The following MROH1 variants were observed in gnomAD, a reference collection of about 807,000 sequenced individuals.
MROH1 encodes the protein maestro heat-like repeat-containing protein family member 1.
Under a neutral mutation model 116.5 loss-of-function variants are expected in MROH1, and 117 were observed. The ratio of observed to expected loss-of-function variants is 1.00; its 90% CI spans 0.86 to 1.17. The LOEUF is 1.17. Ranked by LOEUF, MROH1 falls within the 50% of genes most tolerant of loss-of-function variation. The pLI is 0.00. For missense variants in MROH1, 1,873 were observed against 1,338.5 expected, an observed-to-expected ratio of 1.40 and a Z score of -6.23; for synonymous variants, 921 against 583.9, an observed-to-expected ratio of 1.58 and a Z score of -8.32.
chr8:144,183,018 G>T (rs767735723), intron 7 of MROH1, among the ~76,000 whole-genome samples: 3 of 152,294 alleles, frequency 2.0e-5, no homozygotes, highest in South Asian at 4.1e-4. Context: ...GGAGGCTGCA[G>T]TGAGCCAAGA....
chr8:144,156,145 G>A (rs1157385586), intron 1 of MROH1, among the ~76,000 whole-genome samples: 5 of 150,918 alleles, frequency 3.3e-5, no homozygotes, highest in Admixed American at 3.3e-4. Flanking sequence ...GCTGAGGCAG[G>A]AGAATCACTT....
intron 14 of MROH1, among the ~76,000 whole-genome samples, chr8:144,231,015 CG>C (rs1838780206): frequency 7.2e-6 from 1 of 138,590 alleles, no homozygotes; most frequent in Non-Finnish European, 1.5e-5. Context: ...TGACTCTTAA[CG>C]AGCATGCTGC....
chr8:144,245,280 G>T lies in MROH1; in HGVS notation c.2871+20G>T. ...GTCAGCGTGAGTACCTGGGTCCCTG[G>T]CCCGGGTGCTGCTGCCTGTGTTACT... On this transcript the variant is annotated intron_variant, in intron 29 of 43. Coordinates refer to ENST00000326134, the MANE Select transcript of MROH1 (RefSeq NM_032450.3). The T allele has an allele frequency of 1.3e-6, 1 of 774,122 alleles. No homozygotes were observed. Among genetic ancestry groups the T allele is most frequent in the Non-Finnish European group, 2.4e-6 (1 of 417,652 alleles). The allele number at this position is 774,122 out of a possible 1,614,324, so 48.0% of individuals were successfully genotyped here.
At chr8:144,177,877 TC>T (rs1176223136) in intron 4 of MROH1, among the ~76,000 whole-genome samples, 1 of 152,066 alleles carries the variant, frequency 6.6e-6, no homozygotes. Flanking sequence ...TCCTGAGGCC[TC>T]CCCAGCCATG....
At chr8:144,220,375 C>T (rs557170292) in intron 12 of MROH1, among the ~76,000 whole-genome samples, 7 of 152,282 alleles carry the variant, frequency 4.6e-5, no homozygotes, top group East Asian at 1.9e-4. Flanking sequence ...CTTCTACGAC[C>T]GACCGCCCTA....
At chr8:144,189,419 G>T (rs1013206824) in intron 7 of MROH1, among the ~76,000 whole-genome samples, 1 of 152,190 alleles carries the variant, frequency 6.6e-6, no homozygotes. Flanking sequence ...TTCACCCGGG[G>T]CCCAGCCCCA....
At chr8:144,191,139 G>A (rs984989824) in intron 8 of MROH1, among the ~76,000 whole-genome samples, 48 of 152,134 alleles carry the variant, frequency 3.2e-4, no homozygotes, top group Non-Finnish European at 6.5e-4. Context: ...GCATGACCTT[G>A]GCTCACTGCA....
chr8:144,242,670 T>G, intron 24 of MROH1, 42 bp downstream of exon 24: 1 of 770,880 alleles, frequency 1.3e-6, no homozygotes, highest in Non-Finnish European at 2.4e-6. Flanking sequence ...GCTTCTCTCC[T>G]CTCGGCTCTC....
rs1554835582 is a variant in MROH1, at chr8:144,261,117, C to T, written c.4675C>T (p.His1559Tyr). The T allele has an allele frequency of 1.3e-6, 1 of 775,112 alleles. No homozygotes were observed. The highest frequency in any genetic ancestry group is 1.7e-5 in the Admixed American group (1 of 59,026). The allele number at this position is 775,112 out of a possible 1,614,324, so 48.0% of individuals were successfully genotyped here. ...CACTGACCAGGCCTCTCCCCAGATGCACCATTTCCCAGACCTGCTGGGCCG... is the reference window on the plus strand; with the variant it reads ...CACTGACCAGGCCTCTCCCCAGATGTACCATTTCCCAGACCTGCTGGGCCG... ...FLNTTCKHLMHHFPDLLGRLL... is the reference protein window; with the variant it reads ...FLNTTCKHLMYHFPDLLGRLL... The change falls in exon 42 of 44, where the codon CAC becomes TAC. Residue 1559 changes from histidine to tyrosine, a missense_variant. Transcript: ENST00000326134.
Position 144,190,809 on chromosome 8 carries a change from C to T in MROH1, c.588C>T (p.Ala196=), listed in dbSNP as rs998124529. 5.0e-6 allele frequency: 8 copies of T among 1,613,554 alleles called. No homozygotes were observed. Among genetic ancestry groups the T allele is most frequent in the South Asian group, 1.1e-5 (1 of 91,060 alleles). ...CTCTGCAGCGCTTCAGCGAGGGTGC[C>T]CTGGAGTACCTAGCCAACCTGGACC... is the stretch of plus-strand genomic sequence containing the variant. ...CSALQRFSEG[A]LEYLANLDRA... is the part of the protein sequence containing the mutation. Residue 196 remains alanine, a synonymous_variant, in exon 8 of 44, where the codon GCC becomes GCT. Coordinates refer to ENST00000326134, the MANE Select transcript of MROH1 (RefSeq NM_032450.3).
At chr8:144,208,226 G>A (rs894294492) in intron 12 of MROH1, among the ~76,000 whole-genome samples, 1 of 152,192 alleles carries the variant, frequency 6.6e-6, no homozygotes, top group Non-Finnish European at 1.5e-5. Flanking sequence ...TTACAGGCGT[G>A]AGCCACCACA....
intron 14 of MROH1, among the ~76,000 whole-genome samples, chr8:144,227,698 C>T (rs1465562838): frequency 3.3e-5 from 5 of 151,972 alleles, no homozygotes; most frequent in African/African-American, 4.8e-5. Flanking sequence ...ACCTGTAATC[C>T]CAGCACTTTG....
intron 4 of MROH1, among the ~76,000 whole-genome samples, chr8:144,171,423 C>T (rs528119153): frequency 8.5e-5 from 13 of 152,202 alleles, no homozygotes; most frequent in Non-Finnish European, 1.6e-4. Flanking sequence ...CTGGGAACCA[C>T]CTCCAGGCAC....
intron 7 of MROH1, among the ~76,000 whole-genome samples, chr8:144,188,449 A>ATTTTTTT (rs573524223): frequency 2.4e-4 from 11 of 45,834 alleles, no homozygotes; most frequent in African/African-American, 8.7e-4. Context: ...CCACTGCCCA[A>ATTTTTTT]TTTTTTTTTT....
rs1554834809 is a variant in MROH1 at position 144,259,990 on chromosome 8, C to A, written c.4124C>A (p.Thr1375Lys). Residue 1375 changes from threonine to lysine, a missense_variant, in exon 38 of 44, where the codon ACA (threonine) becomes AAA (lysine). Coordinates refer to ENST00000326134, the MANE Select transcript of MROH1 (RefSeq NM_032450.3). ...LESLAARQKD[T>K]CASVRRLVLR... ...AGCCTGGCGGCTCGCCAGAAGGACA[C>A]ATGCGCCAGCGTGCGGAGGCTGGTG... 2 of 736,428 alleles carry A rather than the reference C, an allele frequency of 2.7e-6. No homozygotes were observed. The highest frequency in any genetic ancestry group is 2.6e-5 in the East Asian group (1 of 38,694). 45.6% of individuals were successfully genotyped at this position (736,428 alleles called of 1,614,324 possible). A position where few individuals can be genotyped will look rare whatever the true frequency, so the allele number is the denominator to read the frequency against.
At chr8:144,207,178 G>C (rs544257462) in intron 12 of MROH1, among the ~76,000 whole-genome samples, 28 of 151,028 alleles carry the variant, frequency 1.9e-4, no homozygotes, top group Non-Finnish European at 3.4e-4. Context: ...CTTTTTTTTG[G>C]GGGGTGGGGG....
At chr8:144,198,399 G>C (rs1329018730) in intron 10 of MROH1, among the ~76,000 whole-genome samples, 1 of 152,152 alleles carries the variant, frequency 6.6e-6, no homozygotes, top group East Asian at 1.9e-4. Flanking sequence ...GCATCTGCCA[G>C]CATCCTTAGT....
intron 10 of MROH1, chr8:144,192,638 G>A: frequency 4.4e-6 from 3 of 684,314 alleles, no homozygotes; most frequent in Non-Finnish European, 5.3e-6. Context: ...GGTGGCAGGA[G>A]TGGGTGCCCA....
At position 144,259,060 on chromosome 8, in the gene MROH1, G is replaced by C. The variant is rs1588556010; in HGVS notation, c.3929+146G>C. Reference sequence around the variant, plus strand: ...CTGCCTGTTCACTCTCTGGGGCAGGGGTAGGGAGGCACCCCTGCAGAGGCC... The same window carrying C: ...CTGCCTGTTCACTCTCTGGGGCAGGCGTAGGGAGGCACCCCTGCAGAGGCC... On this transcript the variant is annotated intron_variant, in intron 36 of 43. Transcript: ENST00000326134. 1.7e-5 allele frequency: 11 copies of C among 653,716 alleles called. No homozygotes were observed. The East Asian group carries it at 3.0e-4, about 18-fold the overall frequency. 40.5% of individuals were successfully genotyped at this position (653,716 alleles called of 1,614,324 possible).
Sources: allele counts gnomAD v4.1 joint callset (sites outside exome capture counted in the v4.1 genomes callset), GRCh38; gene constraint gnomAD v4.1.1; transcripts MANE v1.5; gene names NCBI Gene and HGNC (gene_info 2026-07-23, HGNC 2026-07-21).